The following MYO3A variants were observed in gnomAD, a reference collection of about 807,000 sequenced individuals.
MYO3A encodes myosin-IIIa.
In MYO3A, 180 loss-of-function variants were observed where a neutral mutation model predicts 192.7. The ratio of observed to expected loss-of-function variants is 0.93; its 90% CI spans 0.83 to 1.06. The LOEUF (loss-of-function observed/expected upper bound fraction) is 1.06, where lower values mean the gene tolerates loss of function less well. Among genes scored for constraint, MYO3A ranks in the 50% least tolerant of loss-of-function variants. The pLI, the probability that MYO3A is intolerant of heterozygous loss-of-function variation, is 0.00. For missense variants in MYO3A, 1,896 were observed against 1,905.0 expected (o/e 1.00, Z 0.09); for synonymous variants, 628 against 645.3 (o/e 0.97, Z 0.41).
Position 26,096,445 on chromosome 10 carries a change from G to T in MYO3A, c.1627G>T (p.Ala543Ser). The T allele has an allele frequency of 1.9e-6, 3 of 1,613,714 alleles. No homozygotes were observed. The highest frequency in any genetic ancestry group is 2.5e-6 in the Non-Finnish European group (3 of 1,179,882). The change falls in exon 16 of 35, where the codon GCC becomes TCC. Residue 543 changes from alanine (A) to serine (S), a missense_variant. Ala to Ser is a moderately conservative substitution (Grantham distance 99). Coordinates refer to ENST00000642920, the MANE Select transcript of MYO3A (RefSeq NM_017433.5). ...TGGTTTGGCTGAAAAGAAGAAACTA[G>T]CCCATTACAAACTGCCTGAAAATAA... The part of the protein sequence containing the change: ...YAGLAEKKKL[A>S]HYKLPENKPP...
intron 17 of MYO3A, among the ~76,000 whole-genome samples, chr10:26,105,189 C>T (rs753901805): frequency 6.6e-6 from 1 of 152,068 alleles, no homozygotes; most frequent in African/African-American, 2.4e-5. Context: ...TCCTTATTGA[C>T]TGGTTCATTT....
At chr10:25,989,543 C>T (rs1231591286) in intron 4 of MYO3A, among the ~76,000 whole-genome samples, 7 of 152,044 alleles carry the variant, frequency 4.6e-5, no homozygotes, top group Admixed American at 2.0e-4. Context: ...TATAAATGTG[C>T]CTCAGTTTTT....
At chr10:26,014,899 A>T (rs1344530464) in intron 6 of MYO3A, among the ~76,000 whole-genome samples, 1 of 152,164 alleles carries the variant, frequency 6.6e-6, no homozygotes, top group East Asian at 1.9e-4. Flanking sequence ...TATTTGAGCC[A>T]CAATAGAAAA....
intron 6 of MYO3A, among the ~76,000 whole-genome samples, chr10:26,015,434 G>A (rs75317124): frequency 0.094 from 14,352 of 152,018 alleles, 1,193 homozygotes; most frequent in African/African-American, 0.21. Flanking sequence ...CTTTAAAAGT[G>A]ATTTATGTCA....
chr10:25,951,193 A>G (rs1837188890), intron 2 of MYO3A, among the ~76,000 whole-genome samples: 1 of 152,184 alleles, frequency 6.6e-6, no homozygotes, highest in Admixed American at 6.5e-5. Flanking sequence ...GTGGTGATAT[A>G]GGATAGTGAT....
intron 17 of MYO3A, among the ~76,000 whole-genome samples, chr10:26,118,246 T>C (rs1326556709): frequency 6.6e-6 from 1 of 152,202 alleles, no homozygotes; most frequent in Non-Finnish European, 1.5e-5. Context: ...TGTCAGATGC[T>C]GTATGAATTT....
At chr10:26,135,653 G>A (rs988522491) in intron 20 of MYO3A, among the ~76,000 whole-genome samples, 1 of 152,062 alleles carries the variant, frequency 6.6e-6, no homozygotes, top group Non-Finnish European at 1.5e-5. Context: ...GAATGGAAAG[G>A]CAGAGAGCAT....
At chr10:25,964,430 A>G (rs1357542891) in intron 4 of MYO3A, among the ~76,000 whole-genome samples, 1 of 152,186 alleles carries the variant, frequency 6.6e-6, no homozygotes, top group Admixed American at 6.5e-5. Flanking sequence ...TAAGATGAAC[A>G]TATCACACTT....
At chr10:26,026,288 CGT>C (rs1842538691) in intron 9 of MYO3A, 87 bp from the exon 10 acceptor site, 30 of 1,459,578 alleles carry the variant, frequency 2.1e-5, no homozygotes, top group South Asian at 1.3e-4. Flanking sequence ...GCATCACTCT[CGT>C]GTGTTAGATT....
intron 10 of MYO3A, among the ~76,000 whole-genome samples, chr10:26,052,831 T>A (rs1588866674): frequency 9.6e-6 from 1 of 103,908 alleles, no homozygotes; most frequent in African/African-American, 3.2e-5. Context: ...ACAATAGTTG[T>A]TTTTTTTTCA....
At chr10:26,157,213 T>G in intron 25 of MYO3A, 97 bp from the exon 26 acceptor site, 1 of 1,110,108 alleles carries the variant, frequency 9.0e-7, no homozygotes, top group East Asian at 2.5e-5. Flanking sequence ...ATAACATTCA[T>G]TTTTTGAATG....
At chr10:26,174,611 T>C (rs1589080157) in intron 30 of MYO3A, 54 bp downstream of exon 30, 2 of 1,425,614 alleles carry the variant, frequency 1.4e-6, no homozygotes, top group East Asian at 4.7e-5. Flanking sequence ...AACTATACAA[T>C]AACTGAATTA....
chr10:25,983,324 C>T (rs1465594066), intron 4 of MYO3A, among the ~76,000 whole-genome samples: 4 of 151,302 alleles, frequency 2.6e-5, no homozygotes, highest in Admixed American at 6.6e-5. Context: ...GGTGCGATCT[C>T]GGCTCACTGC....
chr10:25,978,423 G>C (rs7905783), intron 4 of MYO3A, among the ~76,000 whole-genome samples: 14,498 of 152,190 alleles, frequency 0.095, 1,225 homozygotes, highest in African/African-American at 0.22. Context: ...AGGAGCGCTT[G>C]TGCAGGGAAA....
At chr10:26,166,995 T>G (rs1008482599) in intron 27 of MYO3A, among the ~76,000 whole-genome samples, 5 of 152,196 alleles carry the variant, frequency 3.3e-5, no homozygotes, top group Non-Finnish European at 5.9e-5. Flanking sequence ...TCAGGTATTC[T>G]CATAGCATTA....
chr10:25,947,824 G>T (rs1588639547), intron 2 of MYO3A, among the ~76,000 whole-genome samples: 2 of 152,034 alleles, frequency 1.3e-5, no homozygotes, highest in Admixed American at 6.6e-5. Context: ...TCTACTATGT[G>T]TCAGGCATGG....
chr10:26,172,427 C>A (rs948399185), intron 29 of MYO3A, among the ~76,000 whole-genome samples: 1 of 152,166 alleles, frequency 6.6e-6, no homozygotes, highest in Non-Finnish European at 1.5e-5. Flanking sequence ...TGCACATGTT[C>A]CCCAGCCAGC....
chr10:25,958,168 A>G (rs1040990175), intron 4 of MYO3A, among the ~76,000 whole-genome samples: 1 of 152,130 alleles, frequency 6.6e-6, no homozygotes, highest in Non-Finnish European at 1.5e-5. Context: ...GCTGGTTCCT[A>G]TGTCCAGAAT....
chr10:25,977,523 C>T (rs1286806031), intron 4 of MYO3A, among the ~76,000 whole-genome samples: 1 of 152,010 alleles, frequency 6.6e-6, no homozygotes, highest in African/African-American at 2.4e-5. Flanking sequence ...ACATTCAAAG[C>T]AAAATGACTG....
Sources: allele counts gnomAD v4.1 joint callset (sites outside exome capture counted in the v4.1 genomes callset), GRCh38; gene constraint gnomAD v4.1.1; transcripts MANE v1.5; gene names NCBI Gene and HGNC (gene_info 2026-07-23, HGNC 2026-07-21).